The following MALRD1 variants were observed in gnomAD, a reference collection of about 807,000 sequenced individuals.
MALRD1 encodes MAM and LDL receptor class A domain containing 1.
MALRD1 carries 247 observed loss-of-function variants against 242.1 expected under a neutral mutation model. The observed-to-expected ratio is 1.02, with a 90% CI of 0.92 to 1.13. The LOEUF (loss-of-function observed/expected upper bound fraction) is 1.13, where lower values mean the gene tolerates loss of function less well. MALRD1 is among the 50% of genes most tolerant of loss of function. The probability of loss-of-function intolerance (pLI) is 0.00; values close to 1 mark genes in which losing one functional copy is unlikely to be tolerated. For missense variants in MALRD1, 2,989 were observed against 2,533.1 expected (o/e 1.18, Z -3.86); for synonymous variants, 995 against 866.6 (o/e 1.15, Z -2.60).
chr10:19,307,248 G>A (rs2496096), intron 21 of MALRD1, among the ~76,000 whole-genome samples: 66,678 of 151,112 alleles, frequency 0.44, 14,832 homozygotes, highest in South Asian at 0.55. Context: ...CACCTGAACC[G>A]AAGGATTTTC....
At chr10:19,232,646 A>G (rs1214064646) in intron 18 of MALRD1, among the ~76,000 whole-genome samples, 1 of 152,210 alleles carries the variant, frequency 6.6e-6, no homozygotes, top group East Asian at 1.9e-4. Context: ...AATATTTCAT[A>G]TAAATTCTAA....
In MALRD1 at chr10:19,205,133, C is replaced by T. The variant is rs1368860364; in HGVS notation, c.2446C>T (p.Leu816Phe). 1 of 1,550,784 alleles carries T rather than the reference C, an allele frequency of 6.4e-7. No individual in the cohort carries two copies. The highest frequency in any genetic ancestry group is 1.2e-5 in the South Asian group (1 of 84,062). ...TGACATCCGATTTGAAAATTGTACT[C>T]TCCCTCTTCCTGCTGAGAGCTGTGA... ...IDDIRFENCT[L>F]PLPAESCEGL... Residue 816 changes from leucine to phenylalanine, a missense_variant, in exon 17 of 40, where the codon CTC (leucine) becomes TTC (phenylalanine). Physicochemically the swap from Leu to Phe is conservative, Grantham distance 22. Coordinates refer to ENST00000454679, the MANE Select transcript of MALRD1 (RefSeq NM_001142308.3).
intron 14 of MALRD1, among the ~76,000 whole-genome samples, chr10:19,197,147 T>C (rs1047462480): frequency 1.1e-4 from 17 of 151,846 alleles, no homozygotes; most frequent in African/African-American, 3.1e-4. Flanking sequence ...AACCATCAGC[T>C]CTCATGAGAA....
intron 28 of MALRD1, among the ~76,000 whole-genome samples, chr10:19,404,345 AT>A (rs1846996882): frequency 1.3e-5 from 2 of 152,008 alleles, no homozygotes; most frequent in East Asian, 1.9e-4. Flanking sequence ...CGTACTTAAA[AT>A]TTTTTTATGC....
rs368394538 is a variant in MALRD1, at chr10:19,719,223, CATATATATATATAT to C, written c.6315-11460_6315-11447del. On this transcript the variant is annotated intron_variant, in intron 38 of 39. Transcript: ENST00000454679. The stretch of plus-strand genomic sequence containing the variant: ...ATATATATATATATACACATACATA[CATATATATATATAT>C]ATATATATATATATATATATATGCT... 2.4e-3 allele frequency among the ~76,000 whole-genome samples: 183 copies of C among 76,430 alleles called. 3 individuals are homozygous for C. Among genetic ancestry groups the C allele is most frequent in the African/African-American group, 9.9e-3 (170 of 17,162 alleles). 50.1% of individuals were successfully genotyped at this position (76,430 alleles called of 152,430 possible). A position where few individuals can be genotyped will look rare whatever the true frequency, so the allele number is the denominator to read the frequency against.
rs981942650 is a variant in MALRD1, at chr10:19,331,458, C to A, written c.3777C>A (p.Ser1259Arg). Residue 1259 changes from serine to arginine, a missense_variant, in exon 24 of 40, where the codon AGC becomes AGA. Ser to Arg is a moderately radical substitution (Grantham distance 110, BLOSUM62 -1). Coordinates refer to ENST00000454679, the MANE Select transcript of MALRD1 (RefSeq NM_001142308.3). ...ISFQDCSPLL[S>R]PERKCTDHEF... is the part of the protein sequence containing the mutation. ...TCCAAGATTGCTCCCCTTTGCTTAG[C>A]CCAGAGAGAAAGTGTACTGATCATG... 1.2e-5 allele frequency: 19 copies of A among 1,550,320 alleles called. No homozygotes were observed. In the African/African-American group the frequency reaches 1.2e-4, roughly 10 times the overall value.
chr10:19,081,144 G>A (rs1331482493), intron 2 of MALRD1, among the ~76,000 whole-genome samples: 1 of 152,122 alleles, frequency 6.6e-6, no homozygotes, highest in Non-Finnish European at 1.5e-5. Flanking sequence ...CAGAGAAAAA[G>A]GAATGCTTTA....
At chr10:19,199,336 A>G (rs1836416661) in intron 14 of MALRD1, among the ~76,000 whole-genome samples, 1 of 152,204 alleles carries the variant, frequency 6.6e-6, no homozygotes, top group African/African-American at 2.4e-5. Context: ...TTGGTATAGA[A>G]TAGCTGTTTA....
intron 4 of MALRD1, among the ~76,000 whole-genome samples, chr10:19,096,996 A>G (rs1193396899): frequency 2.0e-5 from 3 of 152,200 alleles, no homozygotes; most frequent in African/African-American, 2.4e-5. Context: ...AAGGATTGCT[A>G]TTTATCTACT....
intron 11 of MALRD1, among the ~76,000 whole-genome samples, chr10:19,153,835 G>A (rs570295124): frequency 3.4e-4 from 51 of 152,094 alleles, no homozygotes; most frequent in Non-Finnish European, 6.3e-4. Flanking sequence ...AGATTTTGGC[G>A]TCTTAATGTG....
chr10:19,149,350 A>G (rs1052930643), intron 11 of MALRD1, among the ~76,000 whole-genome samples: 6 of 151,842 alleles, frequency 4.0e-5, no homozygotes, highest in African/African-American at 1.5e-4. Flanking sequence ...ATATGTTGAT[A>G]TTATCTAGTT....
At chr10:19,686,373 G>A (rs531371511) in intron 36 of MALRD1, among the ~76,000 whole-genome samples, 1 of 152,252 alleles carries the variant, frequency 6.6e-6, no homozygotes, top group South Asian at 2.1e-4. Flanking sequence ...CGTGCGTGGC[G>A]TGTTTGCTGC....
chr10:19,558,235 C>A (rs1016558814), intron 32 of MALRD1, among the ~76,000 whole-genome samples: 10 of 151,846 alleles, frequency 6.6e-5, no homozygotes, highest in African/African-American at 2.4e-4. Flanking sequence ...TTTTTCCCCC[C>A]TTTTTTCTAT....
intron 19 of MALRD1, among the ~76,000 whole-genome samples, chr10:19,264,225 G>A (rs1376559015): frequency 1.3e-5 from 2 of 152,022 alleles, no homozygotes; most frequent in Non-Finnish European, 2.9e-5. Flanking sequence ...TTAATGTTAT[G>A]TATCACATTT....
chr10:19,623,464 A>G (rs751822390), intron 36 of MALRD1, among the ~76,000 whole-genome samples: 2 of 152,142 alleles, frequency 1.3e-5, no homozygotes, highest in Non-Finnish European at 2.9e-5. Flanking sequence ...TGGTTCCTGT[A>G]GTTATGGAGG....
At chr10:19,461,306 G>T (rs1415044041) in intron 29 of MALRD1, among the ~76,000 whole-genome samples, 1 of 152,134 alleles carries the variant, frequency 6.6e-6, no homozygotes, top group East Asian at 1.9e-4. Flanking sequence ...TAAAATCGTT[G>T]ATTAAAAGGT....
intron 38 of MALRD1, among the ~76,000 whole-genome samples, chr10:19,718,655 A>C (rs1248612605): frequency 1.3e-5 from 2 of 152,188 alleles, no homozygotes; most frequent in Admixed American, 6.5e-5. Context: ...GCCCTGTACC[A>C]CTAAACATTC....
chr10:19,232,581 G>T (rs1408895666), intron 18 of MALRD1, among the ~76,000 whole-genome samples: 1 of 152,134 alleles, frequency 6.6e-6, no homozygotes, highest in African/African-American at 2.4e-5. Flanking sequence ...GTTTTGTGCA[G>T]GGTGAAGTGA....
chr10:19,178,097 T>C (rs758554880), intron 14 of MALRD1, among the ~76,000 whole-genome samples: 16 of 152,182 alleles, frequency 1.1e-4, no homozygotes, highest in Non-Finnish European at 2.2e-4. Context: ...AAAGTTAACC[T>C]TAGCAAAAGT....
Sources: allele counts gnomAD v4.1 joint callset (sites outside exome capture counted in the v4.1 genomes callset), GRCh38; gene constraint gnomAD v4.1.1; transcripts MANE v1.5; gene names NCBI Gene and HGNC (gene_info 2026-07-23, HGNC 2026-07-21).